Variants in KATNBL1 observed in about 807,000 individuals in gnomAD.
KATNBL1 encodes the protein KATNB1-like protein 1.
In KATNBL1, 28 loss-of-function variants were observed where a neutral mutation model predicts 44.7. The ratio of observed to expected loss-of-function variants is 0.63; its 90% CI spans 0.46 to 0.86. KATNBL1 has a LOEUF of 0.86. KATNBL1 is among the 40% of genes least tolerant of loss of function. The pLI, the probability that KATNBL1 is intolerant of heterozygous loss-of-function variation, is 0.00. For synonymous variants in KATNBL1, 78 were observed against 114.9 expected, an observed-to-expected ratio of 0.68 and a Z score of 2.06; for missense variants, 272 against 350.7, an observed-to-expected ratio of 0.78 and a Z score of 1.79.
intron 1 of KATNBL1, among the ~76,000 whole-genome samples, chr15:34,183,443 G>A (rs1889623360): frequency 1.3e-5 from 2 of 152,144 alleles, no homozygotes; most frequent in Admixed American, 1.3e-4. Flanking sequence ...ATTTTTAAAG[G>A]CTGGTGCAGC....
chr15:34,209,383 A>T (rs1890373009), intron 1 of KATNBL1: 1 of 152,196 alleles, frequency 6.6e-6, no homozygotes, highest in South Asian at 2.1e-4. Context: ...ATATTTAAGC[A>T]ATATAAGAGC....
chr15:34,167,283 G>A (rs928930079), intron 1 of KATNBL1, among the ~76,000 whole-genome samples: 4 of 152,276 alleles, frequency 2.6e-5, no homozygotes, highest in South Asian at 2.1e-4. Flanking sequence ...ATCACAGTAC[G>A]AGAACTTCAT....
intron 1 of KATNBL1, among the ~76,000 whole-genome samples, chr15:34,188,512 T>A (rs1161881410): frequency 6.6e-6 from 1 of 152,102 alleles, no homozygotes; most frequent in African/African-American, 2.4e-5. Context: ...GTCAAGATTG[T>A]GCCACTGTAC....
chr15:34,153,126 G>A (rs1888535067), intron 3 of KATNBL1, 57 bp from the exon 4 acceptor site: 2 of 1,282,046 alleles, frequency 1.6e-6, no homozygotes, highest in Non-Finnish European at 2.2e-6. Context: ...TCCTTTAAAA[G>A]TTTTTAAACA....
intron 1 of KATNBL1, among the ~76,000 whole-genome samples, chr15:34,193,017 A>C (rs1308595457): frequency 1.3e-5 from 2 of 151,214 alleles, no homozygotes; most frequent in Non-Finnish European, 3.0e-5. Flanking sequence ...GGAGATCGAG[A>C]CCATCCTGGC....
intron 1 of KATNBL1, among the ~76,000 whole-genome samples, chr15:34,172,621 T>G (rs190284843): frequency 1.2e-4 from 18 of 152,298 alleles, no homozygotes; most frequent in Middle Eastern, 3.4e-3. Flanking sequence ...TTGAGACCGC[T>G]AATCTTTCTG....
At chr15:34,172,256 C>CTTTTTTT (rs59733560) in intron 1 of KATNBL1, among the ~76,000 whole-genome samples, 45,877 of 95,402 alleles carry the variant, frequency 0.48, 12,994 homozygotes, top group Non-Finnish European at 0.55. Context: ...GGAACATATT[C>CTTTTTTT]TTTTTTTTTT....
intron 1 of KATNBL1, chr15:34,209,524 G>A (rs1393811983): frequency 1.3e-5 from 2 of 152,164 alleles, no homozygotes; most frequent in East Asian, 1.9e-4. Context: ...CATCCGTCAG[G>A]AATCCGAGGA....
rs1055218046 is a variant in KATNBL1 at position 34,175,591 on chromosome 15, A to C, written c.-14-11901T>G. ...GACACCATTAGTCATTATAAAATGC[A>C]AGTCGAAACTACTTGCAAACCTGTT... is the stretch of plus-strand genomic sequence containing the variant. On this transcript the variant is annotated intron_variant, in intron 1 of 9. Transcript: ENST00000256544. Among the ~76,000 whole-genome samples, 3 of 152,240 alleles carry C rather than the reference A, an allele frequency of 2.0e-5. No individual in the cohort carries two copies. In the East Asian group the frequency reaches 5.8e-4, roughly 29 times the overall value.
chr15:34,176,371 T>C (rs1163683955), intron 1 of KATNBL1, among the ~76,000 whole-genome samples: 1 of 151,828 alleles, frequency 6.6e-6, no homozygotes, highest in African/African-American at 2.4e-5. Flanking sequence ...AGAGTGAAAC[T>C]TCATCTCAAA....
chr15:34,203,498 A>G (rs1212777090), intron 1 of KATNBL1, among the ~76,000 whole-genome samples: 2 of 152,050 alleles, frequency 1.3e-5, no homozygotes, highest in Non-Finnish European at 2.9e-5. Flanking sequence ...TCACCACCCA[A>G]TCAAGAATAA....
chr15:34,168,124 A>G (rs111264909), intron 1 of KATNBL1, among the ~76,000 whole-genome samples: 31,379 of 152,196 alleles, frequency 0.21, 4,050 homozygotes, highest in African/African-American at 0.37. Context: ...AAATGCCCCA[A>G]TTAAAAGATA....
intron 1 of KATNBL1, among the ~76,000 whole-genome samples, chr15:34,176,398 A>G (rs1217138164): frequency 1.3e-5 from 2 of 152,140 alleles, no homozygotes; most frequent in African/African-American, 2.4e-5. Flanking sequence ...AAGTAGTACC[A>G]ATACATATAC....
chr15:34,168,444 C>T (rs1889052613), intron 1 of KATNBL1, among the ~76,000 whole-genome samples: 1 of 152,012 alleles, frequency 6.6e-6, no homozygotes, highest in Non-Finnish European at 1.5e-5. Context: ...TAAAGCAAGT[C>T]CTTGGAGACC....
At chr15:34,150,502 G>A (rs771461025) in intron 4 of KATNBL1, among the ~76,000 whole-genome samples, 1 of 152,206 alleles carries the variant, frequency 6.6e-6, no homozygotes, top group Non-Finnish European at 1.5e-5. Flanking sequence ...ACTGAGGTGG[G>A]AGGATTGCTT....
chr15:34,197,420 A>G (rs1439591227), intron 1 of KATNBL1, among the ~76,000 whole-genome samples: 2 of 152,222 alleles, frequency 1.3e-5, no homozygotes, highest in Non-Finnish European at 2.9e-5. Context: ...TCCACTTACC[A>G]CAATGTCTGT....
chr15:34,184,014 CAA>C (rs1889640883), intron 1 of KATNBL1, among the ~76,000 whole-genome samples: 1 of 152,042 alleles, frequency 6.6e-6, no homozygotes. Context: ...ACTAAAAACA[CAA>C]AAAACTGCCG....
intron 1 of KATNBL1, among the ~76,000 whole-genome samples, chr15:34,193,216 C>T (rs1416054723): frequency 3.0e-5 from 2 of 66,364 alleles, no homozygotes; most frequent in African/African-American, 8.2e-5. Flanking sequence ...GACTCCGTCT[C>T]AAAAAAAAAA....
At chr15:34,179,382 G>C (rs1889449685) in intron 1 of KATNBL1, among the ~76,000 whole-genome samples, 1 of 152,142 alleles carries the variant, frequency 6.6e-6, no homozygotes, top group Non-Finnish European at 1.5e-5. Context: ...ATTCATGACA[G>C]AGCCCTCATG....
Sources: gnomAD v4.1 joint callset for allele counts (sites outside exome capture counted in the v4.1 genomes callset) on GRCh38, gnomAD v4.1.1 for gene constraint, MANE v1.5 for transcripts, NCBI Gene and HGNC (gene_info 2026-07-23, HGNC 2026-07-21) for gene names.